Variants in PCDHA1 observed in about 807,000 individuals in gnomAD.
PCDHA1 encodes protocadherin alpha 1, also known as protocadherin alpha-1.
PCDHA1 carries 42 observed loss-of-function variants against 61.3 expected under a neutral mutation model. The observed-to-expected ratio is 0.69, with a 90% CI of 0.54 to 0.89. The LOEUF is 0.89. Among genes scored for constraint, PCDHA1 ranks in the 40% least tolerant of loss-of-function variants. The pLI, the probability that PCDHA1 is intolerant of heterozygous loss-of-function variation, is 0.00. For synonymous variants in PCDHA1, 610 were observed against 553.8 expected (o/e 1.10, Z -1.43); for missense variants, 1,256 against 1,235.3 (o/e 1.02, Z -0.25).
At chr5:140,866,702 C>T (rs251370) in intron 1 of PCDHA1, 67,860 of 151,870 alleles carry the variant, frequency 0.45, 15,551 homozygotes, top group South Asian at 0.58. Flanking sequence ...CAGTGGATGA[C>T]GTGCACTAGT....
chr5:140,812,090 T>C (rs1554125900), intron 1 of PCDHA1: 1 of 152,076 alleles, frequency 6.6e-6, no homozygotes, highest in Non-Finnish European at 1.5e-5. Context: ...CAATTATCAT[T>C]GATTCTTCTT....
chr5:140,828,677 T>C (rs2150157851), intron 1 of PCDHA1: 11 of 1,614,216 alleles, frequency 6.8e-6, no homozygotes, highest in Non-Finnish European at 7.6e-6. Context: ...TGGGCTCTTA[T>C]TAAAGAAATC....
intron 1 of PCDHA1, chr5:140,862,283 C>T (rs565843609): frequency 1.5e-5 from 4 of 263,874 alleles, no homozygotes; most frequent in African/African-American, 8.7e-5. Flanking sequence ...ATTCCCTGTA[C>T]AGGAGGACGC....
Position 140,848,312 on chromosome 5 carries a change from C to A in PCDHA1, c.2394+59628C>A, listed in dbSNP as rs4151686. 12 of 726,146 alleles carry A rather than the reference C, an allele frequency of 1.7e-5. 1 individual carries two copies. Among genetic ancestry groups the A allele is most frequent in the Non-Finnish European group, 2.5e-5 (11 of 437,168 alleles). The allele number at this position is 726,146 out of a possible 1,614,324, so 45.0% of individuals were successfully genotyped here. On this transcript the variant is annotated intron_variant, in intron 1 of 3. Transcript: ENST00000504120. ...TTGGGCCACGTGATGTCACTCTTTG[C>A]CGCGATGTTCTCTCTGAATCCAGAC... is the stretch of plus-strand genomic sequence containing the variant.
intron 2 of PCDHA1, 93 bp downstream of exon 2, chr5:140,979,100 A>C (rs1325676942): frequency 6.5e-7 from 1 of 1,545,710 alleles, no homozygotes; most frequent in African/African-American, 1.4e-5. Context: ...CAGCTGTCAA[A>C]ACTAAAAAGC....
intron 1 of PCDHA1, among the ~76,000 whole-genome samples, chr5:140,972,018 A>G (rs2096514313): frequency 6.6e-6 from 1 of 152,162 alleles, no homozygotes; most frequent in Non-Finnish European, 1.5e-5. Flanking sequence ...TTTATATGGG[A>G]TATTCAGGCA....
At chr5:140,890,276 TC>T (rs1173106367) in intron 1 of PCDHA1, among the ~76,000 whole-genome samples, 2 of 152,136 alleles carry the variant, frequency 1.3e-5, no homozygotes, top group Non-Finnish European at 2.9e-5. Context: ...CAAGAACCAC[TC>T]AGTTGAGTCA....
chr5:140,850,946 T>A (rs2150503431), intron 1 of PCDHA1: 1 of 1,504,084 alleles, frequency 6.6e-7, no homozygotes, highest in East Asian at 2.3e-5. Flanking sequence ...AAAGATATTA[T>A]CGATTACTCC....
Position 140,849,995 on chromosome 5 carries a change from C to T in PCDHA1, c.2394+61311C>T, listed in dbSNP as rs2150462177. The T allele has an allele frequency of 2.5e-6, 4 of 1,597,088 alleles. 1 individual carries two copies. The highest frequency in any genetic ancestry group is 1.7e-6 in the Non-Finnish European group (2 of 1,167,812). ...ACTCGCTGGTGGAGCGGCGGTTGGG[C>T]GAGCGCTCGCTGTCGAGCTACGTGT... On this transcript the variant is annotated intron_variant, in intron 1 of 3. Transcript: ENST00000504120.
chr5:140,793,445 A>T (rs1761776569), intron 1 of PCDHA1, among the ~76,000 whole-genome samples: 1 of 152,254 alleles, frequency 6.6e-6, no homozygotes, highest in Admixed American at 6.5e-5. Context: ...ACAAATGAGT[A>T]TCTTAAGATA....
At chr5:140,826,204 T>G (rs1396641472) in intron 1 of PCDHA1, among the ~76,000 whole-genome samples, 2 of 152,236 alleles carry the variant, frequency 1.3e-5, no homozygotes, top group South Asian at 4.1e-4. Context: ...ATGGTCACAT[T>G]TTAAAAAATC....
At chr5:140,807,461 C>A (rs1554124029) in intron 1 of PCDHA1, 3 of 1,608,438 alleles carry the variant, frequency 1.9e-6, no homozygotes, top group East Asian at 2.2e-5. Flanking sequence ...TCGGATCGAC[C>A]GGGAGGAGCT....
At chr5:140,806,887 A>G (rs1763806968) in intron 1 of PCDHA1, 1 of 430,892 alleles carries the variant, frequency 2.3e-6, no homozygotes, top group Non-Finnish European at 4.2e-6. Flanking sequence ...TACAAAATGT[A>G]TTCCTATTCT....
At chr5:140,944,406 C>A (rs1003379783) in intron 1 of PCDHA1, among the ~76,000 whole-genome samples, 1 of 152,084 alleles carries the variant, frequency 6.6e-6, no homozygotes, top group Non-Finnish European at 1.5e-5. Context: ...AGGCTGGTCT[C>A]GAACTCCTGA....
In PCDHA1 at chr5:140,857,009, G is replaced by T; in HGVS notation, c.2394+68325G>T. 2 of 1,596,020 alleles carry T rather than the reference G, an allele frequency of 1.3e-6. 1 individual carries two copies. The highest frequency in any genetic ancestry group is 1.7e-6 in the Non-Finnish European group (2 of 1,165,702). On this transcript the variant is annotated intron_variant, in intron 1 of 3. Transcript: ENST00000504120. ...TAACACTTATGAAATTCATGTAGAT[G>T]TTACAGATAAGGGAAACCCACCTAT...
chr5:141,001,999 A>G (rs1554258445), intron 3 of PCDHA1, among the ~76,000 whole-genome samples: 1 of 152,198 alleles, frequency 6.6e-6, no homozygotes, highest in African/African-American at 2.4e-5. Flanking sequence ...TTCACTTGCA[A>G]ACACAGAATC....
At chr5:140,969,244 G>A (rs1345944804) in intron 1 of PCDHA1, 2 of 1,614,088 alleles carry the variant, frequency 1.2e-6, no homozygotes, top group Non-Finnish European at 1.7e-6. Flanking sequence ...AAGCAGCAGT[G>A]ACTGACAGCA....
At chr5:140,939,537 C>T (rs2092406859) in intron 1 of PCDHA1, among the ~76,000 whole-genome samples, 1 of 150,686 alleles carries the variant, frequency 6.6e-6, no homozygotes, top group Non-Finnish European at 1.5e-5. Context: ...TATACAGAGC[C>T]TCTATTTCTT....
chr5:140,863,075 C>T (rs546237964), intron 1 of PCDHA1: 87 of 569,532 alleles, frequency 1.5e-4, no homozygotes, highest in South Asian at 9.6e-4. Flanking sequence ...GGGCTCTGCA[C>T]GGGCGAGATC....
Sources: allele counts gnomAD v4.1 joint callset (sites outside exome capture counted in the v4.1 genomes callset), GRCh38; gene constraint gnomAD v4.1.1; transcripts MANE v1.5; gene names NCBI Gene and HGNC (gene_info 2026-07-23, HGNC 2026-07-21).